Variants in COL21A1 observed in about 807,000 individuals in gnomAD.
COL21A1 encodes the protein collagen alpha-1(XXI) chain.
COL21A1 carries 149 observed loss-of-function variants against 137.9 expected under a neutral mutation model. The ratio of observed to expected loss-of-function variants is 1.08; its 90% CI spans 0.95 to 1.24. The LOEUF (loss-of-function observed/expected upper bound fraction) is 1.24. Among genes scored for constraint, COL21A1 ranks in the 50% most tolerant of loss-of-function variants. The pLI is 0.00. For synonymous variants in COL21A1, 456 were observed against 391.5 expected, an observed-to-expected ratio of 1.16 and a Z score of -1.95; for missense variants, 1,167 against 1,158.4, an observed-to-expected ratio of 1.01 and a Z score of -0.11.
intron 1 of COL21A1, among the ~76,000 whole-genome samples, chr6:56,289,922 C>G (rs1314871043): frequency 6.6e-6 from 1 of 152,052 alleles, no homozygotes; most frequent in East Asian, 1.9e-4. Flanking sequence ...CTGGGCTGGG[C>G]AGTTATCTTG....
chr6:56,229,254 C>T (rs957566761), intron 1 of COL21A1, among the ~76,000 whole-genome samples: 1 of 151,816 alleles, frequency 6.6e-6, no homozygotes, highest in African/African-American at 2.4e-5. Context: ...AGCATGGTGG[C>T]TCATGCCTGT....
At chr6:56,206,507 T>A (rs1779789420) in intron 1 of COL21A1, among the ~76,000 whole-genome samples, 2 of 151,710 alleles carry the variant, frequency 1.3e-5, no homozygotes, top group African/African-American at 2.4e-5. Context: ...ATTGGAGACC[T>A]ACCAAGAGAT....
chr6:56,375,185 A>G (rs1054338126), intron 1 of COL21A1, among the ~76,000 whole-genome samples: 3 of 152,304 alleles, frequency 2.0e-5, no homozygotes, highest in Admixed American at 1.3e-4. Flanking sequence ...AATTACATCA[A>G]GGTCAGCAAA....
rs140663687 is a variant in COL21A1 at position 56,084,985 on chromosome 6, G to A, written c.1813-7412C>T. Among the ~76,000 whole-genome samples the A allele has an allele frequency of 1.7e-3, 261 of 152,146 alleles. 2 individuals are homozygous for A. The highest frequency in any genetic ancestry group is 6.2e-3 in the African/African-American group (256 of 41,532). ...TGCTAAGTACACTGTGTTGGACAAA[G>A]GCATTCATATTGCTCAGGGAAAGAT... On this transcript the variant is annotated intron_variant, in intron 17 of 29. Transcript: ENST00000244728.
intron 23 of COL21A1, 132 bp downstream of exon 23, chr6:56,067,163 G>T (rs970142466): frequency 4.0e-6 from 3 of 746,114 alleles, no homozygotes; most frequent in Non-Finnish European, 2.1e-6. Flanking sequence ...AAGCTCAATA[G>T]CAAAAGGAGA....
rs537911110 is a variant in COL21A1, at chr6:56,214,722, C to T, written c.-38-32066G>A. On this transcript the variant is annotated intron_variant, in intron 1 of 29. Coordinates refer to ENST00000244728, the MANE Select transcript of COL21A1 (RefSeq NM_030820.4). The stretch of plus-strand genomic sequence containing the variant: ...CATGGCATATGGTTGTTAGGCAAAA[C>T]AAAAATAAGAACCAAAATGGTTATA... Among the ~76,000 whole-genome samples the T allele has an allele frequency of 7.6e-4, 115 of 151,682 alleles. 1 individual carries two copies. Among genetic ancestry groups the T allele is most frequent in the African/African-American group, 2.7e-3 (112 of 41,404 alleles).
chr6:56,107,427 GA>G (rs556628156), intron 16 of COL21A1, among the ~76,000 whole-genome samples: 138 of 145,772 alleles, frequency 9.5e-4, no homozygotes, highest in African/African-American at 1.8e-3. Flanking sequence ...GAACATTCCA[GA>G]AAAAAAAAAA....
intron 1 of COL21A1, among the ~76,000 whole-genome samples, chr6:56,300,258 G>T (rs1254610482): frequency 6.6e-6 from 1 of 152,082 alleles, no homozygotes; most frequent in East Asian, 1.9e-4. Flanking sequence ...CAGAGTAGAG[G>T]CTGGAAGTGG....
intron 10 of COL21A1, among the ~76,000 whole-genome samples, chr6:56,143,820 A>G (rs985287705): frequency 3.3e-5 from 5 of 152,188 alleles, no homozygotes; most frequent in Non-Finnish European, 7.4e-5. Context: ...TTTGGCATTG[A>G]ACACATTCTT....
intron 1 of COL21A1, among the ~76,000 whole-genome samples, chr6:56,327,896 T>G (rs1765132237): frequency 6.6e-6 from 1 of 152,070 alleles, no homozygotes; most frequent in Non-Finnish European, 1.5e-5. Flanking sequence ...ACAATGGGAC[T>G]AACCCAGCAC....
intron 1 of COL21A1, among the ~76,000 whole-genome samples, chr6:56,242,067 T>A (rs1272738824): frequency 6.6e-6 from 1 of 152,180 alleles, no homozygotes; most frequent in Non-Finnish European, 1.5e-5. Flanking sequence ...TGTTCCTCCC[T>A]GTTTTATCTT....
intron 1 of COL21A1, among the ~76,000 whole-genome samples, chr6:56,350,912 A>C (rs1765698639): frequency 1.3e-5 from 2 of 152,248 alleles, no homozygotes; most frequent in East Asian, 3.8e-4. Context: ...AGACACTTGC[A>C]TAATGTAACA....
intron 1 of COL21A1, among the ~76,000 whole-genome samples, chr6:56,182,928 A>G (rs1291232398): frequency 6.6e-6 from 1 of 152,312 alleles, no homozygotes; most frequent in East Asian, 1.9e-4. Context: ...CAAAATATTT[A>G]CTCAAATTTA....
intron 1 of COL21A1, among the ~76,000 whole-genome samples, chr6:56,338,608 T>C (rs1765390675): frequency 2.0e-5 from 3 of 152,114 alleles, no homozygotes; most frequent in Admixed American, 2.0e-4. Flanking sequence ...TCCCTCTCTA[T>C]CTCTTCTCCC....
chr6:56,362,247 G>A (rs774884089), intron 1 of COL21A1, among the ~76,000 whole-genome samples: 8 of 152,106 alleles, frequency 5.3e-5, no homozygotes, highest in Non-Finnish European at 7.4e-5. Flanking sequence ...ATGTATAATC[G>A]TGTCTGAAGA....
chr6:56,170,315 T>C (rs9357891), intron 5 of COL21A1, among the ~76,000 whole-genome samples: 112,380 of 151,522 alleles, frequency 0.74, 42,055 homozygotes, highest in East Asian at 0.86. Flanking sequence ...AGCTGTTCTA[T>C]TTTGAGGGAG....
chr6:56,196,911 C>A (rs1779058950), intron 1 of COL21A1, among the ~76,000 whole-genome samples: 4 of 151,842 alleles, frequency 2.6e-5, no homozygotes, highest in Non-Finnish European at 5.9e-5. Flanking sequence ...CACAAAAAAA[C>A]CCAAATATCT....
chr6:56,134,525 AC>A (rs1291315271), intron 12 of COL21A1, among the ~76,000 whole-genome samples: 13 of 152,200 alleles, frequency 8.5e-5, no homozygotes, highest in Non-Finnish European at 1.5e-4. Context: ...ACTTTGGGGT[AC>A]TGTTGGGAAG....
intron 1 of COL21A1, among the ~76,000 whole-genome samples, chr6:56,265,140 G>T (rs1179175602): frequency 6.6e-6 from 1 of 152,156 alleles, no homozygotes; most frequent in South Asian, 2.1e-4. Flanking sequence ...GCTAAGACAG[G>T]GGCTGGAAGC....
Sources: gnomAD v4.1 joint callset for allele counts (sites outside exome capture counted in the v4.1 genomes callset) on GRCh38, gnomAD v4.1.1 for gene constraint, MANE v1.5 for transcripts, NCBI Gene and HGNC (gene_info 2026-07-23, HGNC 2026-07-21) for gene names.